Variants in PCYT1A observed in about 807,000 individuals in gnomAD.
PCYT1A encodes the protein phosphate cytidylyltransferase 1A, choline.
Under a neutral mutation model 43.7 loss-of-function variants are expected in PCYT1A, and 25 were observed. The ratio of observed to expected loss-of-function variants is 0.57; its 90% CI spans 0.42 to 0.80. The LOEUF is 0.80. PCYT1A is among the 30% of genes least tolerant of loss of function. PCYT1A has a pLI of 0.00. For synonymous variants in PCYT1A, 172 were observed against 170.7 expected (o/e 1.01, Z -0.06); for missense variants, 421 against 474.2 (o/e 0.89, Z 1.04).
chr3:196,250,236 ACCAGG>A (rs1724709268), intron 3 of PCYT1A, among the ~76,000 whole-genome samples: 1 of 147,770 alleles, frequency 6.8e-6, no homozygotes, highest in Non-Finnish European at 1.5e-5. Context: ...GAGGCTGAGG[ACCAGG>A]TACACCATGC....
intron 7 of PCYT1A, chr3:196,241,548 A>G: frequency 7.7e-7 from 1 of 1,294,608 alleles, no homozygotes; most frequent in Non-Finnish European, 1.0e-6. Flanking sequence ...CCAAATTTAA[A>G]ACTCAGGTCT....
In PCYT1A at chr3:196,277,102, C is replaced by T. The variant is rs1036138777; in HGVS notation, c.-10-6561G>A. Among the ~76,000 whole-genome samples, 2 of 151,626 alleles carry T rather than the reference C, an allele frequency of 1.3e-5. No homozygotes were observed. Among genetic ancestry groups the T allele is most frequent in the African/African-American group, 4.9e-5 (2 of 41,184 alleles). On this transcript the variant is annotated intron_variant, in intron 1 of 8. Coordinates refer to ENST00000431016, the MANE Select transcript of PCYT1A (RefSeq NM_001312673.2). This position sits in a 1 kb window ranked among gnomAD's most constrained non-coding sequence, Gnocchi z 4.1. ...AAAATTAGCCAGGTGTGGTGGCGGG[C>T]ACCTGTAATCCCAGCTACTTGGGAG... is the stretch of plus-strand genomic sequence containing the variant.
intron 3 of PCYT1A, 71 bp from the exon 4 acceptor site, chr3:196,248,394 C>G: frequency 1.1e-6 from 1 of 908,872 alleles, no homozygotes; most frequent in Non-Finnish European, 1.7e-6. Context: ...ATTTTTGAGG[C>G]CGAGTCTCAC....
intron 2 of PCYT1A, among the ~76,000 whole-genome samples, chr3:196,270,017 G>A (rs1577371614): frequency 1.3e-5 from 2 of 152,210 alleles, no homozygotes; most frequent in East Asian, 3.9e-4. Flanking sequence ...GAGATTACAG[G>A]CATGCGCCAC....
chr3:196,236,221 G>A lies in PCYT1A; in HGVS notation c.*2467C>T, dbSNP rs186062124. On this transcript the variant is annotated 3_prime_UTR_variant, in exon 9 of 9. Coordinates refer to ENST00000431016, the MANE Select transcript of PCYT1A (RefSeq NM_001312673.2). ...GTATGGCTCCAATAGGGAGGGAGGA[G>A]GAAAACCACGTTCCGGGCATCTCCC... The A allele has an allele frequency of 1.3e-5, 2 of 152,284 alleles. No homozygotes were observed. Among genetic ancestry groups the A allele is most frequent in the East Asian group, 3.9e-4 (2 of 5,178 alleles). The allele number at this position is 152,284 out of a possible 1,614,324, so 9.4% of individuals were successfully genotyped here. A position where few individuals can be genotyped will look rare whatever the true frequency, so the allele number is the denominator to read the frequency against.
Position 196,242,080 on chromosome 3 carries a change from A to G in PCYT1A, c.576T>C (p.Ala192=). The change falls in exon 7 of 9, where the codon GCT becomes GCC. Residue 192 remains alanine (A), a synonymous_variant. Transcript: ENST00000431016. The surrounding 1 kb of genome is among the most constrained non-coding windows in gnomAD (Gnocchi z 4.2). ...YKHIKEAGMF[A]PTQRTEGIST... is the part of the protein sequence containing the mutation. Reference sequence around the variant, plus strand: ...AGATACCTTCTGTCCTCTGTGTTGGAGCAAACATGCCTAACTCAGAAACAC... The same window carrying G: ...AGATACCTTCTGTCCTCTGTGTTGGGGCAAACATGCCTAACTCAGAAACAC... 6.2e-7 allele frequency: 1 copy of G among 1,614,000 alleles called. No individual in the cohort carries two copies. Among genetic ancestry groups the G allele is most frequent in the Non-Finnish European group, 8.5e-7 (1 of 1,180,012 alleles).
Position 196,249,157 on chromosome 3 carries a change from T to C in PCYT1A, c.218-834A>G, listed in dbSNP as rs1724669139. On this transcript the variant is annotated intron_variant, in intron 3 of 8. Transcript: ENST00000431016. ...AAATGACTATAAAGACCTTTTCATT[T>C]TTTTTTTGAGACAGGGTCTCACTCT... Among the ~76,000 whole-genome samples the C allele has an allele frequency of 3.9e-5, 6 of 151,920 alleles. No homozygotes were observed. The South Asian group carries it at 1.2e-3, about 32-fold the overall frequency.
At chr3:196,253,574 C>T (rs1724866669) in intron 3 of PCYT1A, among the ~76,000 whole-genome samples, 1 of 152,204 alleles carries the variant, frequency 6.6e-6, no homozygotes, top group Admixed American at 6.5e-5. Flanking sequence ...GCACAGAATG[C>T]TGTTGATCAA....
At position 196,277,942 on chromosome 3, in the gene PCYT1A, T is replaced by G. The variant is rs1353030846; in HGVS notation, c.-10-7401A>C. Among the ~76,000 whole-genome samples, 2 of 152,220 alleles carry G rather than the reference T, an allele frequency of 1.3e-5. No homozygotes were observed. The highest frequency in any genetic ancestry group is 4.8e-5 in the African/African-American group (2 of 41,472). ...AAGTTTTTTTCATTTTTTCCCGGCCTTCTTATGCCATCCCAATGTTCTCTC... is the reference window on the plus strand; with the variant it reads ...AAGTTTTTTTCATTTTTTCCCGGCCGTCTTATGCCATCCCAATGTTCTCTC... On this transcript the variant is annotated intron_variant, in intron 1 of 8. Transcript: ENST00000431016. The surrounding 1 kb of genome is among the most constrained non-coding windows in gnomAD (Gnocchi z 4.1).
rs1275846418 is a variant in PCYT1A, at chr3:196,248,491, C to T, written c.218-168G>A. ...GGTTCAAGTGATTCTCCTGCCTCAGCCTCCCAAGCAGCTGGGATTACAGGT... is the reference window on the plus strand; with the variant it reads ...GGTTCAAGTGATTCTCCTGCCTCAGTCTCCCAAGCAGCTGGGATTACAGGT... On this transcript the variant is annotated intron_variant, in intron 3 of 8. Transcript: ENST00000431016. 2.0e-5 allele frequency among the ~76,000 whole-genome samples: 3 copies of T among 151,816 alleles called. No individual in the cohort carries two copies. The East Asian group carries it at 5.8e-4, about 29-fold the overall frequency.
At chr3:196,253,335 T>TAAAAAA (rs1446904729) in intron 3 of PCYT1A, among the ~76,000 whole-genome samples, 1 of 43,116 alleles carries the variant, frequency 2.3e-5, no homozygotes, top group Non-Finnish European at 5.5e-5. Flanking sequence ...AGACTCTGTC[T>TAAAAAA]CAAAAAAAAA....
At chr3:196,271,098 C>A (rs140852603) in intron 1 of PCYT1A, among the ~76,000 whole-genome samples, 11 of 152,174 alleles carry the variant, frequency 7.2e-5, no homozygotes, top group African/African-American at 2.4e-4. Flanking sequence ...GATCTTGCCT[C>A]ACTGCAGCTT....
chr3:196,248,147 G>A, intron 4 of PCYT1A, 60 bp downstream of exon 4: 1 of 928,672 alleles, frequency 1.1e-6, no homozygotes, highest in Non-Finnish European at 1.8e-6. Context: ...AGCTGAGAAA[G>A]ACAGACTGTA....
intron 2 of PCYT1A, among the ~76,000 whole-genome samples, chr3:196,262,798 T>TC (rs1725153580): frequency 1.3e-5 from 2 of 151,612 alleles, no homozygotes; most frequent in Non-Finnish European, 2.9e-5. Context: ...TTTTTTTTTT[T>TC]TTTGGCTTTT....
Position 196,247,893 on chromosome 3 carries a change from G to A in PCYT1A, c.334+314C>T, listed in dbSNP as rs894675690. 75 of 482,576 alleles carry A rather than the reference G, an allele frequency of 1.6e-4. 1 individual carries two copies. Among genetic ancestry groups the A allele is most frequent in the South Asian group, 1.5e-3 (72 of 47,488 alleles). 29.9% of individuals were successfully genotyped at this position (482,576 alleles called of 1,614,324 possible). On this transcript the variant is annotated intron_variant, in intron 4 of 8. Transcript: ENST00000431016. The surrounding 1 kb of genome is among the most constrained non-coding windows in gnomAD (Gnocchi z 4.8). ...TTCCTTGGCAGACTTTTGTACTCCA[G>A]TTAATTCAAAATGATAAACTGAAAT... is the stretch of plus-strand genomic sequence containing the variant.
chr3:196,244,407 A>T (rs1213249678), intron 5 of PCYT1A, among the ~76,000 whole-genome samples: 69 of 123,522 alleles, frequency 5.6e-4, no homozygotes, highest in Middle Eastern at 5.8e-3. Context: ...GGGGAGCGCC[A>T]CTGCCCCGCC....
At chr3:196,267,709 C>A (rs757622454) in intron 2 of PCYT1A, among the ~76,000 whole-genome samples, 1 of 151,310 alleles carries the variant, frequency 6.6e-6, no homozygotes, top group African/African-American at 2.4e-5. Context: ...AGACCAAGAC[C>A]CTGTCTCAAA....
At position 196,263,546 on chromosome 3, in the gene PCYT1A, C is replaced by G. The variant is rs77059487; in HGVS notation, c.118-5659G>C. ...TCTTTCAATAATGCCACGGGAAACG[C>G]TACAGAGTCAAGAGGAATACCATGT... is the stretch of plus-strand genomic sequence containing the variant. On this transcript the variant is annotated intron_variant, in intron 2 of 8. Transcript: ENST00000431016. Among the ~76,000 whole-genome samples, 1,191 of 152,246 alleles carry G rather than the reference C, an allele frequency of 7.8e-3. 16 individuals are homozygous for G. Among genetic ancestry groups the G allele is most frequent in the African/African-American group, 0.027 (1,142 of 41,532 alleles).
intron 1 of PCYT1A, chr3:196,283,660 ATG>A (rs1308172596): frequency 1.4e-5 from 2 of 146,256 alleles, no homozygotes; most frequent in African/African-American, 5.6e-5. Context: ...CAGATGAAAC[ATG>A]TGTTTAAGTA....
Sources: gnomAD v4.1 joint callset for allele counts (sites outside exome capture counted in the v4.1 genomes callset) on GRCh38, gnomAD v4.1.1 for gene constraint, Gnocchi (gnomAD v3.1) non-coding constraint, MANE v1.5 for transcripts, NCBI Gene and HGNC (gene_info 2026-07-23, HGNC 2026-07-21) for gene names.